Variants in C1QTNF3 observed in about 807,000 individuals in gnomAD.
C1QTNF3 encodes the protein C1q and TNF related 3.
A neutral mutation model predicts 32.6 loss-of-function variants in C1QTNF3; 26 were observed. The observed-to-expected ratio is 0.80, with a 90% CI of 0.58 to 1.11. The LOEUF (loss-of-function observed/expected upper bound fraction) is 1.11. C1QTNF3 is among the 50% of genes least tolerant of loss of function. C1QTNF3 has a pLI of 0.00. For missense variants in C1QTNF3, 362 were observed against 398.2 expected, an observed-to-expected ratio of 0.91 and a Z score of 0.77; for synonymous variants, 155 against 146.0, an observed-to-expected ratio of 1.06 and a Z score of -0.44.
chr5:34,034,610 A>G lies in C1QTNF3; in HGVS notation c.415+1037T>C, dbSNP rs141174642. 5.3e-3 allele frequency among the ~76,000 whole-genome samples: 802 copies of G among 152,288 alleles called. 7 individuals are homozygous for G. The highest frequency in any genetic ancestry group is 0.018 in the African/African-American group (760 of 41,548). On this transcript the variant is annotated intron_variant, in intron 2 of 5. Transcript: ENST00000382065. ...CCAGGCTTACAACCCTACCAAATGG[A>G]TGAACTTTGACTGTGTTTACAAATT... is the stretch of plus-strand genomic sequence containing the variant.
the C1QTNF3 span, among the ~76,000 whole-genome samples, chr5:34,175,293 C>T: frequency 1.3e-5 from 2 of 152,132 alleles, no homozygotes; most frequent in Non-Finnish European, 2.9e-5. Flanking sequence ...AATCCTCCCA[C>T]CTTGGCCTCC....
At chr5:34,210,909 T>C in the C1QTNF3 span, among the ~76,000 whole-genome samples, 1 of 152,076 alleles carries the variant, frequency 6.6e-6, no homozygotes, top group African/African-American at 2.4e-5. Context: ...ATTTACTATA[T>C]AATTTATTTG....
chr5:34,099,040 T>A, the C1QTNF3 span, among the ~76,000 whole-genome samples: 1 of 152,210 alleles, frequency 6.6e-6, no homozygotes, highest in African/African-American at 2.4e-5. Context: ...AATTAAGAAA[T>A]CCTGTCCATG....
chr5:34,131,169 T>C, the C1QTNF3 span, among the ~76,000 whole-genome samples: 25 of 152,300 alleles, frequency 1.6e-4, no homozygotes, highest in African/African-American at 5.8e-4. Flanking sequence ...CATTTAACAT[T>C]ATATTTAGAG....
rs181231081 is a variant in C1QTNF3 at position 34,031,592 on chromosome 5, G to C, written c.570+1712C>G. On this transcript the variant is annotated intron_variant, in intron 3 of 5. Coordinates refer to ENST00000382065, the MANE Select transcript of C1QTNF3 (RefSeq NM_181435.6). ...TCACACCTGTAATCCCAGCACTTTG[G>C]GAGGCCGAGGCAGGCCGATCACTGG... 2.0e-5 allele frequency among the ~76,000 whole-genome samples: 3 copies of C among 152,246 alleles called. No individual in the cohort carries two copies. The East Asian group carries it at 5.8e-4, about 29-fold the overall frequency.
the C1QTNF3 span, among the ~76,000 whole-genome samples, chr5:34,078,731 C>T: frequency 2.6e-5 from 4 of 151,686 alleles, 1 homozygote; most frequent in African/African-American, 4.9e-5. This position sits in a 1 kb window ranked among gnomAD's most constrained non-coding sequence, Gnocchi z 4.0. Context: ...AGGCACTCCC[C>T]TCTGTTTGTC....
the C1QTNF3 span, among the ~76,000 whole-genome samples, chr5:34,225,500 G>T: frequency 2.0e-5 from 3 of 152,014 alleles, 1 homozygote; most frequent in African/African-American, 7.2e-5. Context: ...TTAATAAACT[G>T]ACTTATCTTC....
chr5:34,064,754 G>T, the C1QTNF3 span, among the ~76,000 whole-genome samples: 1 of 152,172 alleles, frequency 6.6e-6, no homozygotes, highest in African/African-American at 2.4e-5. Flanking sequence ...GCAGTTGCAA[G>T]ATTTAATAGA....
chr5:34,208,231 G>A, the C1QTNF3 span, among the ~76,000 whole-genome samples: 1 of 152,192 alleles, frequency 6.6e-6, no homozygotes, highest in Non-Finnish European at 1.5e-5. Context: ...CTAAAATGTA[G>A]ATTTATTTTA....
the C1QTNF3 span, among the ~76,000 whole-genome samples, chr5:34,052,766 T>C: frequency 9.9e-5 from 15 of 152,184 alleles, no homozygotes; most frequent in Non-Finnish European, 2.1e-4. Flanking sequence ...GGGGGCAGAG[T>C]TAAAGAAAAT....
At chr5:34,065,984 G>T in the C1QTNF3 span, among the ~76,000 whole-genome samples, 1 of 152,086 alleles carries the variant, frequency 6.6e-6, no homozygotes, top group African/African-American at 2.4e-5. Flanking sequence ...ATACACCATG[G>T]AATACTATGC....
At chr5:34,059,704 G>A in the C1QTNF3 span, among the ~76,000 whole-genome samples, 1 of 152,068 alleles carries the variant, frequency 6.6e-6, no homozygotes, top group Non-Finnish European at 1.5e-5. Context: ...ATGAATTTGG[G>A]GGAAATACAA....
the C1QTNF3 span, among the ~76,000 whole-genome samples, chr5:34,074,639 C>T: frequency 6.6e-6 from 1 of 151,838 alleles, no homozygotes; most frequent in Non-Finnish European, 1.5e-5. Flanking sequence ...TCTTAGTTTG[C>T]TAACACCCTC....
chr5:34,129,679 G>A, the C1QTNF3 span, among the ~76,000 whole-genome samples: 6 of 151,950 alleles, frequency 3.9e-5, no homozygotes, highest in Non-Finnish European at 8.8e-5. Context: ...TACTGAGGCT[G>A]AATGAACCTT....
chr5:34,096,017 C>G, the C1QTNF3 span, among the ~76,000 whole-genome samples: 7 of 151,932 alleles, frequency 4.6e-5, no homozygotes, highest in African/African-American at 1.7e-4. Flanking sequence ...CAATTGCTGA[C>G]CCAATGACCC....
chr5:34,076,266 G>A, the C1QTNF3 span, among the ~76,000 whole-genome samples: 1 of 151,460 alleles, frequency 6.6e-6, no homozygotes, highest in African/African-American at 2.4e-5. Context: ...TGATGAAATG[G>A]TAAGTTTTAT....
chr5:34,111,757 G>C, the C1QTNF3 span, among the ~76,000 whole-genome samples: 38 of 152,360 alleles, frequency 2.5e-4, no homozygotes, highest in South Asian at 7.9e-3. Flanking sequence ...GTATGGCTTT[G>C]TTATCCATGA....
At chr5:34,025,915 T>C (rs569340665) in intron 4 of C1QTNF3, among the ~76,000 whole-genome samples, 116 of 152,340 alleles carry the variant, frequency 7.6e-4, no homozygotes, top group Non-Finnish European at 1.4e-3. Context: ...TTTCATGACA[T>C]TAAAGTGTGA....
chr5:34,155,904 T>C, the C1QTNF3 span, among the ~76,000 whole-genome samples: 2 of 152,158 alleles, frequency 1.3e-5, no homozygotes, highest in Non-Finnish European at 2.9e-5. Context: ...TTTAAATATA[T>C]AATAAAGTCA....
Sources: allele counts gnomAD v4.1 joint callset (sites outside exome capture counted in the v4.1 genomes callset), GRCh38; gene constraint gnomAD v4.1.1; non-coding constraint Gnocchi (gnomAD v3.1); transcripts MANE v1.5; gene names NCBI Gene and HGNC (gene_info 2026-07-23, HGNC 2026-07-21).